Variants in SYT7 observed in about 807,000 individuals in gnomAD.
The protein encoded by SYT7 is synaptotagmin 7.
A neutral mutation model predicts 75.1 loss-of-function variants in SYT7; 29 were observed. That is an observed-to-expected ratio of 0.39 (90% CI 0.29 to 0.53). The LOEUF (loss-of-function observed/expected upper bound fraction) is 0.53. SYT7 is among the 20% of genes least tolerant of loss of function. The probability of loss-of-function intolerance (pLI) is 0.77; values close to 1 mark genes in which losing one functional copy is unlikely to be tolerated. For missense variants in SYT7, 693 were observed against 953.2 expected (o/e 0.73, Z 3.59); for synonymous variants, 376 against 401.7 (o/e 0.94, Z 0.76).
chr11:61,539,989 G>A (rs2062994973), intron 6 of SYT7: 2 of 152,132 alleles, frequency 1.3e-5, no homozygotes, highest in Non-Finnish European at 2.9e-5. Flanking sequence ...TTGGCTGCTC[G>A]GGAGCTAGTT....
rs561335368 is a variant in SYT7 at position 61,514,544 on chromosome 11, C to T, written c.*4083G>A. Among the ~76,000 whole-genome samples the T allele has an allele frequency of 1.3e-5, 2 of 152,312 alleles. No homozygotes were observed. Among genetic ancestry groups the T allele is most frequent in the South Asian group, 4.2e-4 (2 of 4,818 alleles). ...GTGCCTGTGTCTGAACCAGATGTAG[C>T]ACCTTCCTTCTGAAGTACCCTGAGA... is the stretch of plus-strand genomic sequence containing the variant. On this transcript the variant is annotated 3_prime_UTR_variant, in exon 13 of 13. Coordinates refer to ENST00000539008, the MANE Select transcript of SYT7 (RefSeq NM_001365809.2).
In SYT7 at chr11:61,524,899, C is replaced by T. The variant is rs1051808015; in HGVS notation, c.1472-367G>A. ...GCTGAGCAGCCTCTGCCAATCGTCCCGAGGCGGGTCTGGGCAAGTGGCTCT... is the reference window on the plus strand; with the variant it reads ...GCTGAGCAGCCTCTGCCAATCGTCCTGAGGCGGGTCTGGGCAAGTGGCTCT... On this transcript the variant is annotated intron_variant, in intron 9 of 12. Coordinates refer to ENST00000539008, the MANE Select transcript of SYT7 (RefSeq NM_001365809.2). The surrounding 1 kb of genome is among the most constrained non-coding windows in gnomAD (Gnocchi z 4.1). The T allele has an allele frequency of 2.9e-5, 5 of 173,454 alleles. No homozygotes were observed. The highest frequency in any genetic ancestry group is 1.4e-4 in the South Asian group (1 of 7,064). 10.7% of individuals were successfully genotyped at this position (173,454 alleles called of 1,614,324 possible).
chr11:61,571,226 CT>C (rs1244945598), intron 1 of SYT7, among the ~76,000 whole-genome samples: 1 of 152,224 alleles, frequency 6.6e-6, no homozygotes, highest in Non-Finnish European at 1.5e-5. Flanking sequence ...ACAGACACAC[CT>C]ACCATCGTGT....
chr11:61,532,931 C>T, intron 8 of SYT7, 58 bp downstream of exon 8: 2 of 1,600,480 alleles, frequency 1.2e-6, no homozygotes, highest in Admixed American at 3.4e-5. Flanking sequence ...CCCTCTTCTT[C>T]CTGCCCCTGG....
chr11:61,570,429 A>G (rs1286086074), intron 1 of SYT7, among the ~76,000 whole-genome samples: 1 of 152,210 alleles, frequency 6.6e-6, no homozygotes, highest in African/African-American at 2.4e-5. Context: ...AACACTTACT[A>G]GATACAGTGT....
chr11:61,529,519 C>G (rs1813974538), intron 8 of SYT7, among the ~76,000 whole-genome samples: 1 of 152,224 alleles, frequency 6.6e-6, no homozygotes, highest in African/African-American at 2.4e-5. Flanking sequence ...GACTCAAAAT[C>G]CTGCTCTTTC....
At position 61,524,593 on chromosome 11, in the gene SYT7, G is replaced by C; in HGVS notation, c.1472-61C>G. ...CAGAGGGGCTGCACGGGGCCCGGGAGGCAAGGAAGGCCCTGGGAAGAGGAG... is the reference window on the plus strand; with the variant it reads ...CAGAGGGGCTGCACGGGGCCCGGGACGCAAGGAAGGCCCTGGGAAGAGGAG... On this transcript the variant is annotated intron_variant, in intron 9 of 12. Transcript: ENST00000539008. This position sits in a 1 kb window ranked among gnomAD's most constrained non-coding sequence, Gnocchi z 4.1. 1 of 1,498,432 alleles carries C rather than the reference G, an allele frequency of 6.7e-7. No homozygotes were observed. The highest frequency in any genetic ancestry group is 1.3e-5 in the South Asian group (1 of 75,124). 92.8% of individuals were successfully genotyped at this position (1,498,432 alleles called of 1,614,324 possible). A position where few individuals can be genotyped will look rare whatever the true frequency, so the allele number is the denominator to read the frequency against.
Position 61,542,321 on chromosome 11 carries a change from C to T in SYT7, c.831G>A (p.Ser277=), listed in dbSNP as rs1487673483. The part of the protein sequence containing the change: ...YGRGQARQGT[S]AGSKYRAAGG... ...CTGCCGCCCGGTACTTGGAGCCGGCCGAGGTGCCCTGCCGAGCCTGGCCCC... is the reference window on the plus strand; with the variant it reads ...CTGCCGCCCGGTACTTGGAGCCGGCTGAGGTGCCCTGCCGAGCCTGGCCCC... The change falls in exon 6 of 13, where the codon TCG becomes TCA. Residue 277 remains serine, a synonymous_variant. Transcript: ENST00000539008. The surrounding 1 kb of genome is among the most constrained non-coding windows in gnomAD (Gnocchi z 7.8). 5 of 1,532,372 alleles carry T rather than the reference C, an allele frequency of 3.3e-6. No homozygotes were observed. Among genetic ancestry groups the T allele is most frequent in the Admixed American group, 2.0e-5 (1 of 50,714 alleles). The allele number at this position is 1,532,372 out of a possible 1,614,324, so 94.9% of individuals were successfully genotyped here.
chr11:61,556,088 C>T lies in SYT7; in HGVS notation c.135+16G>A, dbSNP rs373994293. On this transcript the variant is annotated intron_variant, in intron 2 of 12. Coordinates refer to ENST00000539008, the MANE Select transcript of SYT7 (RefSeq NM_001365809.2). ...GGGCTAGGCACCACCCTCCAAGGGG[C>T]CCTCAGGAGCCTCACCAGTTTGCGC... The T allele has an allele frequency of 5.3e-5, 86 of 1,609,024 alleles. 3 individuals are homozygous for T. Among genetic ancestry groups the T allele is most frequent in the Non-Finnish European group, 1.8e-5 (21 of 1,176,652 alleles).
At position 61,563,848 on chromosome 11, in the gene SYT7, T is replaced by G. The variant is rs994607164; in HGVS notation, c.32-7641A>C. On this transcript the variant is annotated intron_variant, in intron 1 of 12. Coordinates refer to ENST00000539008, the MANE Select transcript of SYT7 (RefSeq NM_001365809.2). ...AGCTCTTTCTGTGTCCTTCCCCAAC[T>G]GGGAGCACCTAGAGGATTGAGACCC... 2.0e-5 allele frequency among the ~76,000 whole-genome samples: 3 copies of G among 152,212 alleles called. No individual in the cohort carries two copies. In the East Asian group the frequency reaches 5.8e-4, roughly 29 times the overall value.
At chr11:61,579,633 C>G (rs1443588061) in intron 1 of SYT7, among the ~76,000 whole-genome samples, 1 of 152,198 alleles carries the variant, frequency 6.6e-6, no homozygotes, top group Non-Finnish European at 1.5e-5. Flanking sequence ...TGGGCAAAGC[C>G]AGCACCCACT....
rs140238140 is a variant in SYT7, at chr11:61,538,066, G to A, written c.1064+78C>T. 4,270 of 1,516,160 alleles carry A rather than the reference G, an allele frequency of 2.8e-3. 19 individuals are homozygous for A. The highest frequency in any genetic ancestry group is 0.011 in the South Asian group (882 of 82,386). 93.9% of individuals were successfully genotyped at this position (1,516,160 alleles called of 1,614,324 possible). ...GGCACCACCACCTCGTCCAGCAGCC[G>A]GGGCCGGTCGAGGCAGGCGGCCTCT... On this transcript the variant is annotated intron_variant, in intron 7 of 12. Coordinates refer to ENST00000539008, the MANE Select transcript of SYT7 (RefSeq NM_001365809.2).
chr11:61,557,549 T>C (rs1197054526), intron 1 of SYT7, among the ~76,000 whole-genome samples: 1 of 152,124 alleles, frequency 6.6e-6, no homozygotes, highest in Non-Finnish European at 1.5e-5. Flanking sequence ...CTCTACCTGC[T>C]CTACTAGAAC....
At chr11:61,540,905 T>C in intron 6 of SYT7, 4 of 985,390 alleles carry the variant, frequency 4.1e-6, no homozygotes, top group Non-Finnish European at 4.8e-6. Context: ...GGGCATCTCA[T>C]CTTGTGCAGG....
At chr11:61,552,472 GCACA>G (rs1006248748) in intron 2 of SYT7, among the ~76,000 whole-genome samples, 2 of 137,504 alleles carry the variant, frequency 1.5e-5, no homozygotes, top group Middle Eastern at 7.0e-3. Flanking sequence ...ACACACACAT[GCACA>G]CACACACACA....
chr11:61,586,470 G>C, the SYT7 span, among the ~76,000 whole-genome samples: 3 of 152,150 alleles, frequency 2.0e-5, no homozygotes, highest in African/African-American at 7.2e-5. Context: ...AGTGACCCGG[G>C]GTCAGCCCCT....
intron 1 of SYT7, among the ~76,000 whole-genome samples, chr11:61,558,396 G>A (rs1249369798): frequency 6.6e-6 from 1 of 151,930 alleles, no homozygotes. Context: ...GGGGTTGGAG[G>A]GGGGCGGAGG....
intron 1 of SYT7, among the ~76,000 whole-genome samples, chr11:61,557,619 A>G (rs541195014): frequency 9.2e-5 from 14 of 152,220 alleles, no homozygotes; most frequent in Non-Finnish European, 1.9e-4. Context: ...GTGGGGAAAG[A>G]CCACACTTGT....
At chr11:61,561,433 G>A (rs545243840) in intron 1 of SYT7, among the ~76,000 whole-genome samples, 20 of 152,186 alleles carry the variant, frequency 1.3e-4, no homozygotes, top group Non-Finnish European at 2.4e-4. Context: ...AGGATGAAGG[G>A]TCTAACTGAG....
Sources: gnomAD v4.1 joint callset for allele counts (sites outside exome capture counted in the v4.1 genomes callset) on GRCh38, gnomAD v4.1.1 for gene constraint, Gnocchi (gnomAD v3.1) non-coding constraint, MANE v1.5 for transcripts, NCBI Gene and HGNC (gene_info 2026-07-23, HGNC 2026-07-21) for gene names.